Variants in SIPA1L1 observed in about 807,000 individuals in gnomAD.
SIPA1L1 encodes the protein signal-induced proliferation-associated 1-like protein 1.
A neutral mutation model predicts 162.7 loss-of-function variants in SIPA1L1; 26 were observed. The observed-to-expected ratio is 0.16, with a 90% CI of 0.12 to 0.22. The LOEUF is 0.22. Ranked by LOEUF, SIPA1L1 falls within the 10% of genes least tolerant of loss-of-function variation. The pLI, the probability that SIPA1L1 is intolerant of heterozygous loss-of-function variation, is 1.00. For synonymous variants in SIPA1L1, 829 were observed against 837.4 expected (o/e 0.99, Z 0.17); for missense variants, 1,874 against 2,241.0 (o/e 0.84, Z 3.31).
At chr14:71,341,977 G>A (rs920426252) in intron 2 of SIPA1L1, among the ~76,000 whole-genome samples, 2 of 152,012 alleles carry the variant, frequency 1.3e-5, no homozygotes, top group African/African-American at 4.8e-5. Flanking sequence ...GTGAGTGTAT[G>A]TGTCTTTTCA....
At chr14:71,700,703 A>T (rs372356764) in intron 14 of SIPA1L1, among the ~76,000 whole-genome samples, 2 of 152,214 alleles carry the variant, frequency 1.3e-5, no homozygotes, top group Admixed American at 1.3e-4. Context: ...TGATATAATA[A>T]GAGTTTTATT....
intron 2 of SIPA1L1, among the ~76,000 whole-genome samples, chr14:71,471,856 G>A (rs995731048): frequency 9.2e-5 from 14 of 152,188 alleles, no homozygotes; most frequent in Non-Finnish European, 1.9e-4. Flanking sequence ...TTGGGACTGG[G>A]TGAGGTCAGC....
Position 71,730,272 on chromosome 14 carries a change from C to G in SIPA1L1, c.4832C>G (p.Ser1611Cys). Reference protein sequence around the residue: ...LPKSLPLRRPSYTLGMKSLHG... With the variant: ...LPKSLPLRRPCYTLGMKSLHG... ...AAGTCGCTCCCGTTGAGGAGGCCTTCTTACACCTTAGGAATGAAATCGCTG... is the reference window on the plus strand; with the variant it reads ...AAGTCGCTCCCGTTGAGGAGGCCTTGTTACACCTTAGGAATGAAATCGCTG... Residue 1611 changes from serine (S) to cysteine (C), a missense_variant, in exon 20 of 24, where the codon TCT becomes TGT. Around this residue, in one of 5 missense-constraint regions of SIPA1L1, gnomAD observed 936 missense variants for 1,051.9 expected, o/e 0.89. Transcript: ENST00000381232. 6.2e-7 allele frequency: 1 copy of G among 1,614,182 alleles called. No individual in the cohort carries two copies. The highest frequency in any genetic ancestry group is 8.5e-7 in the Non-Finnish European group (1 of 1,180,012).
intron 12 of SIPA1L1, among the ~76,000 whole-genome samples, chr14:71,678,856 T>C (rs1204923679): frequency 1.3e-5 from 2 of 151,976 alleles, no homozygotes; most frequent in African/African-American, 4.8e-5. Context: ...TTCTTCCTGG[T>C]TTAGTCTTGG....
intron 4 of SIPA1L1, among the ~76,000 whole-genome samples, chr14:71,556,960 G>A (rs1203939041): frequency 6.6e-6 from 1 of 152,078 alleles, no homozygotes; most frequent in African/African-American, 2.4e-5. Flanking sequence ...TTAGAGCCCT[G>A]CCTTGGGCAG....
chr14:71,331,761 T>G (rs1008705207), intron 2 of SIPA1L1, among the ~76,000 whole-genome samples: 26 of 152,196 alleles, frequency 1.7e-4, no homozygotes, highest in African/African-American at 6.0e-4. Flanking sequence ...ATTTCCTGTA[T>G]CTGCTTGTTG....
chr14:71,370,234 T>C (rs1446693170), intron 2 of SIPA1L1, among the ~76,000 whole-genome samples: 4 of 150,826 alleles, frequency 2.7e-5, no homozygotes, highest in Non-Finnish European at 5.9e-5. Flanking sequence ...CATCCCTGTC[T>C]TGTGCCAGTT....
At chr14:71,591,092 G>A (rs1482755309) in intron 5 of SIPA1L1, among the ~76,000 whole-genome samples, 2 of 152,090 alleles carry the variant, frequency 1.3e-5, no homozygotes, top group Non-Finnish European at 2.9e-5. Context: ...AACTGACACT[G>A]AAACATATTA....
intron 4 of SIPA1L1, among the ~76,000 whole-genome samples, chr14:71,541,014 G>C (rs1052415503): frequency 6.6e-6 from 1 of 152,126 alleles, no homozygotes; most frequent in African/African-American, 2.4e-5. Flanking sequence ...TGTAGTCTCA[G>C]CTACTCAGGA....
intron 2 of SIPA1L1, among the ~76,000 whole-genome samples, chr14:71,460,370 C>G (rs2046502403): frequency 6.6e-6 from 1 of 152,186 alleles, no homozygotes. Context: ...GTTGTAGTTT[C>G]CCATTGATCT....
chr14:71,396,164 A>G (rs2041184798), intron 2 of SIPA1L1, among the ~76,000 whole-genome samples: 1 of 152,146 alleles, frequency 6.6e-6, no homozygotes, highest in African/African-American at 2.4e-5. Flanking sequence ...TTATCCATTT[A>G]TGCATGCATC....
chr14:71,519,152 C>T (rs1388480625), intron 3 of SIPA1L1, among the ~76,000 whole-genome samples: 8 of 151,770 alleles, frequency 5.3e-5, no homozygotes, highest in East Asian at 1.9e-4. Context: ...AAATATTACC[C>T]GGTCGTGGTG....
Position 71,468,722 on chromosome 14 carries a change from G to T in SIPA1L1, c.-464-44021G>T, listed in dbSNP as rs558821768. 7.9e-5 allele frequency among the ~76,000 whole-genome samples: 12 copies of T among 152,250 alleles called. 1 individual carries two copies. In the South Asian group the frequency reaches 2.5e-3, roughly 32 times the overall value. On this transcript the variant is annotated intron_variant, in intron 2 of 23. Transcript: ENST00000381232. ...ACAATTCAAAGAATTATAGCAATGT[G>T]TAAGTAAAAAGATCTTAATCTTTTG...
chr14:71,635,373 T>C (rs2148819732), intron 7 of SIPA1L1, among the ~76,000 whole-genome samples: 1 of 152,304 alleles, frequency 6.6e-6, no homozygotes, highest in African/African-American at 2.4e-5. Flanking sequence ...TAATGAGTTT[T>C]CTAAATTATT....
In SIPA1L1 at chr14:71,640,781, C is replaced by T. The variant is rs140616783; in HGVS notation, c.1819-9554C>T. Reference sequence around the variant, plus strand: ...CTGGGATTACAAGTGTGTGCCCCTACGCCCGGCTAACTTTTGTATTTTTAG... The same window carrying T: ...CTGGGATTACAAGTGTGTGCCCCTATGCCCGGCTAACTTTTGTATTTTTAG... On this transcript the variant is annotated intron_variant, in intron 7 of 23. Transcript: ENST00000381232. 8.4e-3 allele frequency among the ~76,000 whole-genome samples: 1,278 copies of T among 152,254 alleles called. 8 individuals carry two copies. Among genetic ancestry groups the T allele is most frequent in the South Asian group, 0.034 (166 of 4,826 alleles).
At chr14:71,627,066 T>G in intron 7 of SIPA1L1, among the ~76,000 whole-genome samples, 1 of 149,368 alleles carries the variant, frequency 6.7e-6, no homozygotes, top group Non-Finnish European at 1.5e-5. Context: ...GAAAACGAAC[T>G]AATTTTTTTA....
intron 15 of SIPA1L1, 119 bp downstream of exon 15, chr14:71,702,624 G>T: frequency 1.1e-6 from 1 of 874,034 alleles, no homozygotes; most frequent in Non-Finnish European, 1.7e-6. Context: ...ATATGAATTA[G>T]AATTAAGTCT....
At chr14:71,469,563 T>C (rs2047288242) in intron 2 of SIPA1L1, among the ~76,000 whole-genome samples, 1 of 152,174 alleles carries the variant, frequency 6.6e-6, no homozygotes, top group South Asian at 2.1e-4. Context: ...CTCTCTCTGC[T>C]CATCGTAGCG....
chr14:71,411,986 C>T lies in SIPA1L1; in HGVS notation c.-465+90805C>T, dbSNP rs150999404. 5.1e-4 allele frequency among the ~76,000 whole-genome samples: 77 copies of T among 152,258 alleles called. 1 individual carries two copies. The highest frequency in any genetic ancestry group is 1.2e-3 in the South Asian group (6 of 4,824). ...TAAAATTTGCATGTTTATTCATGTT[C>T]CTAAGTGGATTACTACTGCAGATCA... On this transcript the variant is annotated intron_variant, in intron 2 of 23. Transcript: ENST00000381232.
Sources: gnomAD v4.1 joint callset for allele counts (sites outside exome capture counted in the v4.1 genomes callset) on GRCh38, gnomAD v4.1.1 for gene constraint, gnomAD v4.1.1 regional missense constraint, MANE v1.5 for transcripts, NCBI Gene and HGNC (gene_info 2026-07-23, HGNC 2026-07-21) for gene names.